GPC5: variants seen among roughly 807,000 people sequenced by gnomAD.
GPC5 encodes the protein glypican 5.
Under a neutral mutation model 53.9 loss-of-function variants are expected in GPC5, and 47 were observed. The ratio of observed to expected loss-of-function variants is 0.87; its 90% CI spans 0.69 to 1.11. The LOEUF (loss-of-function observed/expected upper bound fraction) is 1.11. GPC5 is among the 50% of genes most tolerant of loss of function. GPC5 has a pLI of 0.00. For synonymous variants in GPC5, 286 were observed against 263.3 expected (o/e 1.09, Z -0.84); for missense variants, 748 against 713.1 (o/e 1.05, Z -0.56).
chr13:92,117,947 A>G (rs2041613803), intron 6 of GPC5, among the ~76,000 whole-genome samples: 1 of 152,184 alleles, frequency 6.6e-6, no homozygotes. Context: ...TTATTACCAC[A>G]TTACTGATCT....
intron 7 of GPC5, among the ~76,000 whole-genome samples, chr13:92,753,639 G>A (rs1282074635): frequency 1.3e-5 from 2 of 152,122 alleles, no homozygotes; most frequent in African/African-American, 4.8e-5. Context: ...GCTTAAAGGA[G>A]CTGATGGAGC....
At chr13:91,501,297 A>G (rs1283868165) in intron 2 of GPC5, among the ~76,000 whole-genome samples, 1 of 141,770 alleles carries the variant, frequency 7.1e-6, no homozygotes, top group Non-Finnish European at 1.5e-5. Flanking sequence ...CACAACGTGC[A>G]GGTTTGTTAC....
intron 7 of GPC5, among the ~76,000 whole-genome samples, chr13:92,559,322 GTGTGTATA>G (rs997215274): frequency 3.5e-5 from 4 of 113,612 alleles, no homozygotes; most frequent in African/African-American, 1.5e-4. Context: ...GCTCTTTGTA[GTGTGTATA>G]TGTGTGTGTG....
intron 6 of GPC5, among the ~76,000 whole-genome samples, chr13:92,114,755 G>A (rs1267069470): frequency 2.0e-5 from 3 of 152,148 alleles, no homozygotes; most frequent in African/African-American, 7.2e-5. Flanking sequence ...AGCCAATGTA[G>A]TATGCCCTTA....
At chr13:92,696,984 G>A (rs1887574850) in intron 7 of GPC5, among the ~76,000 whole-genome samples, 1 of 152,110 alleles carries the variant, frequency 6.6e-6, no homozygotes, top group Non-Finnish European at 1.5e-5. Flanking sequence ...TTTTTGTCAA[G>A]TTTGTCAAAG....
chr13:91,973,771 G>GCACC (rs2040268258), intron 6 of GPC5, among the ~76,000 whole-genome samples: 6 of 152,176 alleles, frequency 3.9e-5, no homozygotes, highest in Non-Finnish European at 8.8e-5. Flanking sequence ...AGCGGTGGCT[G>GCACC]CAGAACAGCG....
intron 7 of GPC5, among the ~76,000 whole-genome samples, chr13:92,592,261 C>G (rs1210452940): frequency 6.6e-6 from 1 of 152,092 alleles, no homozygotes; most frequent in South Asian, 2.1e-4. Flanking sequence ...CCATAAGTAC[C>G]CTGACTTTCT....
intron 2 of GPC5, among the ~76,000 whole-genome samples, chr13:91,677,754 AG>A (rs1260884910): frequency 6.6e-6 from 1 of 152,216 alleles, no homozygotes; most frequent in East Asian, 1.9e-4. Context: ...TTGAAATCAC[AG>A]TTATTTAGAA....
intron 2 of GPC5, among the ~76,000 whole-genome samples, chr13:91,569,515 C>T (rs912742203): frequency 1.3e-5 from 2 of 152,106 alleles, no homozygotes; most frequent in African/African-American, 2.4e-5. Context: ...TCTCCCTAGC[C>T]TCAACAATTT....
intron 6 of GPC5, among the ~76,000 whole-genome samples, chr13:91,936,365 TG>T (rs1287435008): frequency 1.3e-5 from 2 of 151,902 alleles, no homozygotes; most frequent in Non-Finnish European, 2.9e-5. Context: ...AGGATTTGCT[TG>T]GGGGTAACCT....
intron 7 of GPC5, among the ~76,000 whole-genome samples, chr13:92,838,763 A>G (rs1168795667): frequency 6.6e-6 from 1 of 152,182 alleles, no homozygotes; most frequent in African/African-American, 2.4e-5. Flanking sequence ...TCACAGAGAA[A>G]TTGAGCCTAT....
intron 6 of GPC5, among the ~76,000 whole-genome samples, chr13:91,991,555 G>T (rs559591623): frequency 2.7e-4 from 41 of 150,594 alleles, no homozygotes; most frequent in Non-Finnish European, 4.3e-4. Flanking sequence ...GATAAAGGAA[G>T]AATTTTTTTT....
chr13:92,239,451 G>T (rs995531152), intron 7 of GPC5, among the ~76,000 whole-genome samples: 1 of 151,842 alleles, frequency 6.6e-6, no homozygotes, highest in Admixed American at 6.6e-5. Flanking sequence ...CCTATTTATT[G>T]TTATTAAACC....
intron 7 of GPC5, among the ~76,000 whole-genome samples, chr13:92,263,947 G>T (rs1263788103): frequency 1.3e-5 from 2 of 152,124 alleles, no homozygotes; most frequent in African/African-American, 2.4e-5. Flanking sequence ...ATAATGAATT[G>T]TATGTCTCAA....
intron 6 of GPC5, among the ~76,000 whole-genome samples, chr13:92,058,771 T>C (rs199623119): frequency 1.3e-5 from 2 of 152,134 alleles, no homozygotes; most frequent in East Asian, 3.9e-4. Context: ...CTTGAGCTCC[T>C]GACCTCAGGT....
intron 7 of GPC5, among the ~76,000 whole-genome samples, chr13:92,763,146 A>T (rs553971224): frequency 6.6e-6 from 1 of 152,172 alleles, no homozygotes; most frequent in African/African-American, 2.4e-5. Flanking sequence ...GAATTATTTT[A>T]TTCTTTTGAT....
chr13:91,810,048 C>T lies in GPC5; in HGVS notation c.1280+53628C>T, dbSNP rs529929110. 5.3e-5 allele frequency among the ~76,000 whole-genome samples: 8 copies of T among 151,880 alleles called. No homozygotes were observed. The South Asian group carries it at 1.7e-3, about 32-fold the overall frequency. ...TAAAATTGTCTTAAGTGGTTCTATT[C>T]CAAGGGAGGAAATCATATTTTTTTT... On this transcript the variant is annotated intron_variant, in intron 5 of 7. Coordinates refer to ENST00000377067, the MANE Select transcript of GPC5 (RefSeq NM_004466.6).
intron 7 of GPC5, among the ~76,000 whole-genome samples, chr13:92,567,634 A>T (rs898680774): frequency 2.0e-5 from 3 of 152,092 alleles, no homozygotes; most frequent in Non-Finnish European, 4.4e-5. Flanking sequence ...GAAATACAGG[A>T]CTCTCAGATA....
chr13:91,564,506 A>G (rs565318774), intron 2 of GPC5, among the ~76,000 whole-genome samples: 36 of 152,328 alleles, frequency 2.4e-4, no homozygotes, highest in Admixed American at 2.3e-3. Context: ...GATATGAATA[A>G]TGTAGATAAC....
Sources: allele counts gnomAD v4.1 joint callset (sites outside exome capture counted in the v4.1 genomes callset), GRCh38; gene constraint gnomAD v4.1.1; transcripts MANE v1.5; gene names NCBI Gene and HGNC (gene_info 2026-07-23, HGNC 2026-07-21).